The following LNPEP variants were observed in gnomAD, a reference collection of about 807,000 sequenced individuals.
LNPEP encodes the protein leucyl and cystinyl aminopeptidase, also known as leucyl-cystinyl aminopeptidase.
A neutral mutation model predicts 120.6 loss-of-function variants in LNPEP; 64 were observed. That is an observed-to-expected ratio of 0.53 (90% CI 0.43 to 0.65). The LOEUF (loss-of-function observed/expected upper bound fraction) is 0.65. LNPEP is among the 30% of genes least tolerant of loss of function. LNPEP has a pLI of 0.00. For missense variants in LNPEP, 1,057 were observed against 1,200.0 expected, an observed-to-expected ratio of 0.88 and a Z score of 1.76; for synonymous variants, 435 against 425.4, an observed-to-expected ratio of 1.02 and a Z score of -0.28.
intron 13 of LNPEP, among the ~76,000 whole-genome samples, chr5:97,019,581 T>C (rs1791142931): frequency 6.6e-6 from 1 of 152,224 alleles, no homozygotes; most frequent in Non-Finnish European, 1.5e-5. Flanking sequence ...CTCCCTGTAA[T>C]TCGGTGGTGT....
intron 8 of LNPEP, among the ~76,000 whole-genome samples, chr5:96,998,696 AATGTT>A (rs1790576004): frequency 6.6e-6 from 1 of 152,136 alleles, no homozygotes; most frequent in South Asian, 2.1e-4. Flanking sequence ...GGGAGGGATG[AATGTT>A]ATGGCTGTCA....
At chr5:96,951,255 C>CT (rs201161764) in intron 1 of LNPEP, among the ~76,000 whole-genome samples, 6 of 127,064 alleles carry the variant, frequency 4.7e-5, no homozygotes, top group South Asian at 4.6e-4. Flanking sequence ...TGCTTTTTTT[C>CT]TTTTTTTGGC....
intron 1 of LNPEP, among the ~76,000 whole-genome samples, chr5:96,960,287 T>G (rs1789569349): frequency 6.6e-6 from 1 of 152,188 alleles, no homozygotes; most frequent in South Asian, 2.1e-4. Context: ...AAATAAATAT[T>G]TTTAAGTAGA....
chr5:97,013,748 A>G lies in LNPEP; in HGVS notation c.2136A>G (p.Leu712=). The G allele has an allele frequency of 6.2e-7, 1 of 1,611,648 alleles. No individual in the cohort carries two copies. Among genetic ancestry groups the G allele is most frequent in the Non-Finnish European group, 8.5e-7 (1 of 1,178,202 alleles). Residue 712 remains leucine (L), a synonymous_variant, in exon 12 of 18, where the codon CTA becomes CTG. Transcript: ENST00000231368. The part of the protein sequence containing the change: ...VHYADDDWEA[L]IHQLKINPYV... ...ATGCAGATGATGATTGGGAAGCACT[A>G]ATCCATCAGTTGAAAATAAATCCTT... is the stretch of plus-strand genomic sequence containing the variant.
chr5:97,027,073 G>A (rs1035465314), intron 16 of LNPEP, among the ~76,000 whole-genome samples: 2 of 152,180 alleles, frequency 1.3e-5, no homozygotes, highest in Non-Finnish European at 2.9e-5. Flanking sequence ...CCTCTGTATG[G>A]CCGGGCGCGG....
chr5:96,954,735 CATAT>C lies in LNPEP; in HGVS notation c.19+18569_19+18572del, dbSNP rs1300956480. 1.0e-4 allele frequency among the ~76,000 whole-genome samples: 7 copies of C among 69,672 alleles called. 1 individual carries two copies. The highest frequency in any genetic ancestry group is 1.8e-4 in the African/African-American group (3 of 16,950). 45.7% of individuals were successfully genotyped at this position (69,672 alleles called of 152,430 possible). ...ACACATATATATACATATATATATA[CATAT>C]ATATATACACATATATATATATATA... On this transcript the variant is annotated intron_variant, in intron 1 of 17. Transcript: ENST00000231368.
intron 1 of LNPEP, among the ~76,000 whole-genome samples, chr5:96,977,454 G>A (rs1434783523): frequency 1.3e-5 from 2 of 152,036 alleles, no homozygotes; most frequent in South Asian, 2.1e-4. Flanking sequence ...CTCAGGAATG[G>A]TATTTAGTGC....
At position 96,954,701 on chromosome 5, in the gene LNPEP, TAC is replaced by T. The variant is rs1789405991; in HGVS notation, c.19+18529_19+18530del. On this transcript the variant is annotated intron_variant, in intron 1 of 17. Coordinates refer to ENST00000231368, the MANE Select transcript of LNPEP (RefSeq NM_005575.3). ...ACATATATACATATATACACATATA[TAC>T]ATATATACACATATATATACATATA... Among the ~76,000 whole-genome samples, 10 of 68,808 alleles carry T rather than the reference TAC, an allele frequency of 1.5e-4. 2 individuals are homozygous for T. Among genetic ancestry groups the T allele is most frequent in the African/African-American group, 2.0e-4 (3 of 15,258 alleles). The allele number at this position is 68,808 out of a possible 152,430, so 45.1% of individuals were successfully genotyped here.
intron 1 of LNPEP, among the ~76,000 whole-genome samples, chr5:96,949,662 A>C (rs375507752): frequency 2.6e-5 from 4 of 152,092 alleles, no homozygotes; most frequent in African/African-American, 7.2e-5. Context: ...AATATGCAGC[A>C]CCTCATTATT....
intron 9 of LNPEP, among the ~76,000 whole-genome samples, chr5:97,005,071 T>G (rs1398903197): frequency 6.6e-6 from 1 of 152,204 alleles, no homozygotes; most frequent in Non-Finnish European, 1.5e-5. Flanking sequence ...TTAGGCAAGC[T>G]TATTTTCTTC....
chr5:96,985,279 TA>T, intron 3 of LNPEP, 61 bp downstream of exon 3: 1 of 1,398,828 alleles, frequency 7.1e-7, no homozygotes, highest in Non-Finnish European at 9.8e-7. Flanking sequence ...TAAGAACACT[TA>T]AATTCCTCTT....
chr5:96,959,147 C>T (rs1227890365), intron 1 of LNPEP, among the ~76,000 whole-genome samples: 1 of 152,124 alleles, frequency 6.6e-6, no homozygotes, highest in Non-Finnish European at 1.5e-5. Context: ...ATCTTTCCAT[C>T]TCAAGGTCTG....
chr5:96,950,954 G>C (rs529553981), intron 1 of LNPEP, among the ~76,000 whole-genome samples: 1 of 152,100 alleles, frequency 6.6e-6, no homozygotes, highest in East Asian at 1.9e-4. Flanking sequence ...GGGTGGCTTC[G>C]ACAACAGATA....
intron 2 of LNPEP, among the ~76,000 whole-genome samples, chr5:96,984,726 C>T (rs982233226): frequency 4.6e-5 from 7 of 152,114 alleles, no homozygotes; most frequent in Non-Finnish European, 7.4e-5. Flanking sequence ...ATCTGGCTTG[C>T]CACACTTGTG....
intron 11 of LNPEP, among the ~76,000 whole-genome samples, chr5:97,009,848 CAAAAG>C (rs1255178332): frequency 2.6e-5 from 4 of 152,218 alleles, no homozygotes; most frequent in African/African-American, 9.6e-5. Flanking sequence ...TTTCTATTCT[CAAAAG>C]AAAGGTAGCA....
Position 97,014,217 on chromosome 5 carries a change from GCCA to G in LNPEP, c.2219+389_2219+391del, listed in dbSNP as rs1291086868. Among the ~76,000 whole-genome samples, 13 of 152,244 alleles carry G rather than the reference GCCA, an allele frequency of 8.5e-5. 1 individual carries two copies. In the East Asian group the frequency reaches 1.4e-3, roughly 16 times the overall value. ...TTGAGGGACATCTCTGATGGCTGGA[GCCA>G]CCTTATCTGTACTGCTTGCCTCCCC... is the stretch of plus-strand genomic sequence containing the variant. On this transcript the variant is annotated intron_variant, in intron 12 of 17. Transcript: ENST00000231368.
chr5:96,987,084 G>A (rs1205276363), intron 4 of LNPEP, among the ~76,000 whole-genome samples: 11 of 152,072 alleles, frequency 7.2e-5, no homozygotes, highest in African/African-American at 1.9e-4. Context: ...CTACATATTC[G>A]ATAGCTCTAG....
chr5:96,980,126 A>G, intron 2 of LNPEP, 148 bp downstream of exon 2: 1 of 733,880 alleles, frequency 1.4e-6, no homozygotes. Context: ...GATTTAGAAC[A>G]ATATATTATC....
chr5:97,024,055 G>C (rs1401307066), intron 14 of LNPEP, among the ~76,000 whole-genome samples: 1 of 152,144 alleles, frequency 6.6e-6, no homozygotes, highest in Non-Finnish European at 1.5e-5. Flanking sequence ...GAAGAGTTGG[G>C]GTGGAGGATT....
Sources: gnomAD v4.1 joint callset for allele counts (sites outside exome capture counted in the v4.1 genomes callset) on GRCh38, gnomAD v4.1.1 for gene constraint, MANE v1.5 for transcripts, NCBI Gene and HGNC (gene_info 2026-07-23, HGNC 2026-07-21) for gene names.